The following SLC7A6OS variants were observed in gnomAD, a reference collection of about 807,000 sequenced individuals.
The protein encoded by SLC7A6OS is probable RNA polymerase II nuclear localization protein SLC7A6OS.
A neutral mutation model predicts 34.3 loss-of-function variants in SLC7A6OS; 22 were observed. That is an observed-to-expected ratio of 0.64 (90% CI 0.46 to 0.92). The LOEUF is 0.92. SLC7A6OS is among the 40% of genes least tolerant of loss of function. The probability of loss-of-function intolerance (pLI) is 0.00; values close to 1 mark genes in which losing one functional copy is unlikely to be tolerated. For missense variants in SLC7A6OS, 434 were observed against 407.7 expected (o/e 1.06, Z -0.56); for synonymous variants, 199 against 165.0 (o/e 1.21, Z -1.58).
At position 68,299,860 on chromosome 16, in the gene SLC7A6OS, T is replaced by G. The variant is rs1375846431; in HGVS notation, c.*1415A>C. 1 of 152,210 alleles carries G rather than the reference T, an allele frequency of 6.6e-6. No homozygotes were observed. Among genetic ancestry groups the G allele is most frequent in the Non-Finnish European group, 1.5e-5 (1 of 68,046 alleles). 9.4% of individuals were successfully genotyped at this position (152,210 alleles called of 1,614,324 possible). A position where few individuals can be genotyped will look rare whatever the true frequency, so the allele number is the denominator to read the frequency against. ...AATTAGCTGCAATATATACGGCCTGTGTACACAGAATTTAATCACTTCGGC... is the reference window on the plus strand; with the variant it reads ...AATTAGCTGCAATATATACGGCCTGGGTACACAGAATTTAATCACTTCGGC... On this transcript the variant is annotated 3_prime_UTR_variant, in exon 5 of 5. Transcript: ENST00000263997.
rs2043213166 is a variant in SLC7A6OS, at chr16:68,298,489, A to G, written c.*2786T>C. 1.3e-5 allele frequency: 2 copies of G among 152,276 alleles called. No homozygotes were observed. The highest frequency in any genetic ancestry group is 2.4e-5 in the African/African-American group (1 of 41,454). 9.4% of individuals were successfully genotyped at this position (152,276 alleles called of 1,614,324 possible). A position where few individuals can be genotyped will look rare whatever the true frequency, so the allele number is the denominator to read the frequency against. On this transcript the variant is annotated 3_prime_UTR_variant, in exon 5 of 5. Coordinates refer to ENST00000263997, the MANE Select transcript of SLC7A6OS (RefSeq NM_032178.3). Reference sequence around the variant, plus strand: ...TGCATCCTCTTCTGTCCCTGGCACCAGGCTTTGTTTACACTTGGAGCCACC... The same window carrying G: ...TGCATCCTCTTCTGTCCCTGGCACCGGGCTTTGTTTACACTTGGAGCCACC...
At chr16:68,301,549 C>T (rs1034585500) in intron 4 of SLC7A6OS, 144 bp from the exon 5 acceptor site, 4 of 575,566 alleles carry the variant, frequency 6.9e-6, no homozygotes, top group African/African-American at 3.9e-5. Context: ...ATATAGAATT[C>T]TTTTTTTTTT....
chr16:68,310,643 G>A (rs373143704), intron 1 of SLC7A6OS, 30 bp from the exon 2 acceptor site: 1 of 1,581,956 alleles, frequency 6.3e-7, no homozygotes, highest in Non-Finnish European at 8.6e-7. Context: ...GGAGGCCAGC[G>A]TAAGCAGGAG....
In SLC7A6OS at chr16:68,302,640, C is replaced by T. The variant is rs1028149476; in HGVS notation, c.679-139G>A. ...AAACTGCAGACTAGTAGTTTGACTC[C>T]ATTGCACAAGAGGCTATGAGAGGGA... On this transcript the variant is annotated intron_variant, in intron 3 of 4. Transcript: ENST00000263997. 2.2e-4 allele frequency: 201 copies of T among 923,330 alleles called. 1 individual carries two copies. Among genetic ancestry groups the T allele is most frequent in the Admixed American group, 7.9e-4 (42 of 53,408 alleles). 57.2% of individuals were successfully genotyped at this position (923,330 alleles called of 1,614,324 possible). A position where few individuals can be genotyped will look rare whatever the true frequency, so the allele number is the denominator to read the frequency against.
chr16:68,303,561 T>C, intron 3 of SLC7A6OS: 3 of 158,352 alleles, frequency 1.9e-5, no homozygotes, highest in Non-Finnish European at 4.1e-5. Context: ...CCAGCCTGGG[T>C]GACAGTGTGA....
intron 2 of SLC7A6OS, among the ~76,000 whole-genome samples, chr16:68,309,514 G>T (rs2043383664): frequency 6.6e-6 from 1 of 152,270 alleles, no homozygotes; most frequent in Admixed American, 6.5e-5. Flanking sequence ...TTAGGCGTCA[G>T]CTACTGTGCC....
intron 2 of SLC7A6OS, among the ~76,000 whole-genome samples, chr16:68,307,247 A>G (rs991946639): frequency 6.6e-6 from 1 of 152,256 alleles, no homozygotes; most frequent in Non-Finnish European, 1.5e-5. Flanking sequence ...AAGAAAATAT[A>G]ACAAGTACCT....
In SLC7A6OS at chr16:68,310,738, G is replaced by C. The variant is rs780892473; in HGVS notation, c.189C>G (p.Ser63=). 3.7e-6 allele frequency: 6 copies of C among 1,605,716 alleles called. No individual in the cohort carries two copies. Among genetic ancestry groups the C allele is most frequent in the Non-Finnish European group, 5.1e-6 (6 of 1,174,064 alleles). ...NVFHLVATVC[S]QEEPVQPLLR... is the part of the protein sequence containing the mutation. ...CCAGCTGCACCACGCCCAATACCTG[G>C]GAGCACACAGTGGCCACCAAGTGGA... Residue 63 remains serine (S), a synonymous_variant, in exon 1 of 5, where the codon TCC becomes TCG. Coordinates refer to ENST00000263997, the MANE Select transcript of SLC7A6OS (RefSeq NM_032178.3).
rs2043258253 is a variant in SLC7A6OS at position 68,300,862 on chromosome 16, AG to A, written c.*412del. On this transcript the variant is annotated 3_prime_UTR_variant, in exon 5 of 5. Transcript: ENST00000263997. Reference sequence around the variant, plus strand: ...CCTTTTAGATTCTATCAAAAGGAACAGGGTTTTCCTAGAGGCAGGCAGCCTG... The same window carrying A: ...CCTTTTAGATTCTATCAAAAGGAACAGGTTTTCCTAGAGGCAGGCAGCCTG... The A allele has an allele frequency of 2.0e-6, 2 of 988,842 alleles. No homozygotes were observed. Among genetic ancestry groups the A allele is most frequent in the African/African-American group, 3.5e-5 (2 of 57,344 alleles). The allele number at this position is 988,842 out of a possible 1,614,324, so 61.3% of individuals were successfully genotyped here.
intron 2 of SLC7A6OS, among the ~76,000 whole-genome samples, chr16:68,305,093 T>C (rs561749893): frequency 6.6e-6 from 1 of 152,312 alleles, no homozygotes; most frequent in East Asian, 1.9e-4. Flanking sequence ...TGGCCAGTCT[T>C]GACCCCAAGC....
chr16:68,302,605 C>A, intron 3 of SLC7A6OS, 104 bp from the exon 4 acceptor site: 2 of 1,434,378 alleles, frequency 1.4e-6, no homozygotes, highest in Admixed American at 1.8e-5. Flanking sequence ...TGTAAAAGTG[C>A]CCTGTGAAAA....
Position 68,304,228 on chromosome 16 carries a change from G to A in SLC7A6OS, c.476C>T (p.Ser159Phe). 1 of 1,614,052 alleles carries A rather than the reference G, an allele frequency of 6.2e-7. No individual in the cohort carries two copies. Among genetic ancestry groups the A allele is most frequent in the Non-Finnish European group, 8.5e-7 (1 of 1,179,910 alleles). Reference protein sequence around the residue: ...EAASAGSCKTSDPDVILCNSV... With the variant: ...EAASAGSCKTFDPDVILCNSV... ...ATTGCAGAGGATCACATCTGGGTCA[G>A]ATGTCTGTAAAGAAACCACAGATTA... is the stretch of plus-strand genomic sequence containing the variant. The change falls in exon 3 of 5, where the codon TCT becomes TTT. Residue 159 changes from serine to phenylalanine, a missense_variant. Ser to Phe is a radical substitution (Grantham distance 155, BLOSUM62 -2). Coordinates refer to ENST00000263997, the MANE Select transcript of SLC7A6OS (RefSeq NM_032178.3).
At chr16:68,306,201 C>T (rs763237117) in intron 2 of SLC7A6OS, among the ~76,000 whole-genome samples, 5 of 152,046 alleles carry the variant, frequency 3.3e-5, no homozygotes, top group Non-Finnish European at 5.9e-5. Flanking sequence ...TTTCAAATTT[C>T]CCATAATGAG....
intron 4 of SLC7A6OS, 89 bp downstream of exon 4, chr16:68,302,292 G>T (rs369413429): frequency 2.1e-4 from 311 of 1,497,342 alleles, no homozygotes; most frequent in Non-Finnish European, 2.7e-4. Context: ...TGACAGAGAA[G>T]GAAAGGCAAT....
At chr16:68,301,540 T>C (rs1432554734) in intron 4 of SLC7A6OS, 135 bp from the exon 5 acceptor site, 8 of 655,662 alleles carry the variant, frequency 1.2e-5, no homozygotes, top group Non-Finnish European at 7.1e-6. Context: ...TAAAAAAGAA[T>C]ATAGAATTCT....
chr16:68,301,325 C>T lies in SLC7A6OS; in HGVS notation c.880G>A (p.Val294Met), dbSNP rs915950236. ...QRMWSKYPLDVQKEFGYDSPH... is the reference protein window; with the variant it reads ...QRMWSKYPLDMQKEFGYDSPH... ...CTGTCATAGCCGAACTCCTTCTGCA[C>T]ATCCAGAGGGTACTTGCTCCACATC... The change falls in exon 5 of 5, where the codon GTG (valine) becomes ATG (methionine). Residue 294 changes from valine to methionine, a missense_variant. Physicochemically the swap from Val to Met is conservative, Grantham distance 21 (BLOSUM62 1). Transcript: ENST00000263997. 6.2e-7 allele frequency: 1 copy of T among 1,614,186 alleles called. No individual in the cohort carries two copies. The highest frequency in any genetic ancestry group is 8.5e-7 in the Non-Finnish European group (1 of 1,180,028).
intron 2 of SLC7A6OS, among the ~76,000 whole-genome samples, chr16:68,306,683 A>C (rs2043329070): frequency 6.6e-6 from 1 of 152,016 alleles, no homozygotes; most frequent in African/African-American, 2.4e-5. Context: ...GTAGAGATGG[A>C]GTCTTGCTAT....
In SLC7A6OS at chr16:68,299,054, G is replaced by A. The variant is rs1466323996; in HGVS notation, c.*2221C>T. On this transcript the variant is annotated 3_prime_UTR_variant, in exon 5 of 5. Transcript: ENST00000263997. ...GTTCAGAGCATAATGCATATGTGAAGCATGGGGTGACATTCCTACTGTCAT... is the reference window on the plus strand; with the variant it reads ...GTTCAGAGCATAATGCATATGTGAAACATGGGGTGACATTCCTACTGTCAT... The A allele has an allele frequency of 6.6e-6, 1 of 152,636 alleles. No individual in the cohort carries two copies. Among genetic ancestry groups the A allele is most frequent in the Non-Finnish European group, 1.5e-5 (1 of 68,040 alleles). The allele number at this position is 152,636 out of a possible 1,614,324, so 9.5% of individuals were successfully genotyped here.
At chr16:68,306,740 C>A (rs2043329560) in intron 2 of SLC7A6OS, among the ~76,000 whole-genome samples, 2 of 152,150 alleles carry the variant, frequency 1.3e-5, no homozygotes, top group Admixed American at 1.3e-4. Flanking sequence ...AATCCTCCTG[C>A]CTTAGCCTCC....
Sources: allele counts gnomAD v4.1 joint callset (sites outside exome capture counted in the v4.1 genomes callset), GRCh38; gene constraint gnomAD v4.1.1; transcripts MANE v1.5; gene names NCBI Gene and HGNC (gene_info 2026-07-23, HGNC 2026-07-21).